Variants in LRRC4C observed in about 807,000 individuals in gnomAD.
The protein encoded by LRRC4C is leucine-rich repeat-containing protein 4C.
Under a neutral mutation model 33.6 loss-of-function variants are expected in LRRC4C, and 5 were observed. The observed-to-expected ratio is 0.15, with a 90% CI of 0.08 to 0.31. The LOEUF (loss-of-function observed/expected upper bound fraction) is 0.31. Ranked by LOEUF, LRRC4C falls within the 10% of genes least tolerant of loss-of-function variation. The probability of loss-of-function intolerance (pLI) is 1.00; values close to 1 mark genes in which losing one functional copy is unlikely to be tolerated. For synonymous variants in LRRC4C, 329 were observed against 302.0 expected (o/e 1.09, Z -0.93); for missense variants, 560 against 796.7 (o/e 0.70, Z 3.58).
At chr11:40,585,308 TA>T (rs1958670849) in intron 3 of LRRC4C, among the ~76,000 whole-genome samples, 1 of 152,072 alleles carries the variant, frequency 6.6e-6, no homozygotes. Context: ...CCTAAAATGC[TA>T]GATGTGTAGC....
At chr11:41,026,430 G>A (rs1856365381) in intron 1 of LRRC4C, among the ~76,000 whole-genome samples, 1 of 151,594 alleles carries the variant, frequency 6.6e-6, no homozygotes. Flanking sequence ...AAACTTTAAT[G>A]AGAAGTTGCT....
chr11:41,099,796 C>A (rs976252854), intron 1 of LRRC4C, among the ~76,000 whole-genome samples: 10 of 152,100 alleles, frequency 6.6e-5, no homozygotes, highest in African/African-American at 2.4e-4. Context: ...AATGCCCTCT[C>A]TCACCAATTC....
chr11:40,272,235 T>C (rs1942761259), intron 4 of LRRC4C, among the ~76,000 whole-genome samples: 1 of 152,150 alleles, frequency 6.6e-6, no homozygotes, highest in African/African-American at 2.4e-5. Flanking sequence ...TTTTCTCCAT[T>C]GGCCTTAAGA....
intron 3 of LRRC4C, among the ~76,000 whole-genome samples, chr11:40,456,286 T>G (rs1022076413): frequency 3.3e-5 from 5 of 152,186 alleles, no homozygotes; most frequent in African/African-American, 1.2e-4. Flanking sequence ...TATATGTATA[T>G]TGTAGCAATT....
intron 1 of LRRC4C, among the ~76,000 whole-genome samples, chr11:41,032,353 T>G (rs1856776571): frequency 6.6e-6 from 1 of 152,052 alleles, no homozygotes; most frequent in African/African-American, 2.4e-5. Context: ...TTAACACTCA[T>G]CTAACTTTGT....
At chr11:40,728,928 G>A (rs893759362) in intron 2 of LRRC4C, among the ~76,000 whole-genome samples, 7 of 147,298 alleles carry the variant, frequency 4.8e-5, no homozygotes, top group African/African-American at 1.7e-4. Context: ...GCTAATTCTT[G>A]GGTACACATC....
At chr11:40,537,141 C>T (rs1956508420) in intron 3 of LRRC4C, among the ~76,000 whole-genome samples, 1 of 152,076 alleles carries the variant, frequency 6.6e-6, no homozygotes, top group African/African-American at 2.4e-5. Flanking sequence ...AAAAAATGGC[C>T]ACATTTTAAA....
chr11:40,928,753 GAATAAAAATATCATATGTGAATTAA>G (rs1957493538), intron 2 of LRRC4C, among the ~76,000 whole-genome samples: 1 of 151,992 alleles, frequency 6.6e-6, no homozygotes, highest in South Asian at 2.1e-4. Context: ...TTTGACCTAT[GAATAAAAATATCATATGTGAATTAA>G]AATTAAAACT....
At chr11:41,042,227 G>A (rs1857485028) in intron 1 of LRRC4C, among the ~76,000 whole-genome samples, 1 of 152,094 alleles carries the variant, frequency 6.6e-6, no homozygotes, top group Admixed American at 6.6e-5. Context: ...GTTGTGAATT[G>A]CAGTCACAAT....
intron 5 of LRRC4C, among the ~76,000 whole-genome samples, chr11:40,173,981 CA>C (rs1267789933): frequency 3.3e-5 from 5 of 152,114 alleles, no homozygotes. Flanking sequence ...TTTAACTTAC[CA>C]ATGTGCAAAC....
chr11:40,638,485 T>C (rs1039106597), intron 3 of LRRC4C, among the ~76,000 whole-genome samples: 1 of 152,168 alleles, frequency 6.6e-6, no homozygotes, highest in Non-Finnish European at 1.5e-5. Context: ...ATCTATAAAA[T>C]AGAAATAATT....
intron 4 of LRRC4C, among the ~76,000 whole-genome samples, chr11:40,252,773 C>G (rs1866889744): frequency 6.6e-6 from 1 of 152,102 alleles, no homozygotes; most frequent in Non-Finnish European, 1.5e-5. Flanking sequence ...GTAAAGCAAT[C>G]CAAAGATTTA....
rs76358380 is a variant in LRRC4C, at chr11:40,577,608, T to C, written c.-270+70534A>G. 3.6e-3 allele frequency among the ~76,000 whole-genome samples: 547 copies of C among 152,176 alleles called. 2 individuals are homozygous for C. Among genetic ancestry groups the C allele is most frequent in the Non-Finnish European group, 6.0e-3 (405 of 68,012 alleles). ...CTGGAGACGTTTTGTTTGTCACATGTGAAGAGAAATGCTACTGGCATCAAG... is the reference window on the plus strand; with the variant it reads ...CTGGAGACGTTTTGTTTGTCACATGCGAAGAGAAATGCTACTGGCATCAAG... On this transcript the variant is annotated intron_variant, in intron 3 of 6. Coordinates refer to ENST00000528697, the MANE Select transcript of LRRC4C (RefSeq NM_001258419.2).
chr11:40,792,768 A>T (rs1171854910), intron 2 of LRRC4C, among the ~76,000 whole-genome samples: 1 of 152,118 alleles, frequency 6.6e-6, no homozygotes, highest in Non-Finnish European at 1.5e-5. Flanking sequence ...CTGGATTAAG[A>T]AAATGTGGCA....
chr11:40,721,916 G>A (rs57515289), intron 2 of LRRC4C, among the ~76,000 whole-genome samples: 1 of 152,146 alleles, frequency 6.6e-6, no homozygotes, highest in South Asian at 2.1e-4. Flanking sequence ...ACTCCATCCA[G>A]CCTGGGCGAC....
intron 1 of LRRC4C, among the ~76,000 whole-genome samples, chr11:41,024,201 T>C (rs906652381): frequency 6.6e-6 from 1 of 151,748 alleles, no homozygotes; most frequent in Non-Finnish European, 1.5e-5. Context: ...AGATATAATG[T>C]AATATTAGCC....
chr11:41,342,460 AT>A (rs1482531252), intron 1 of LRRC4C, among the ~76,000 whole-genome samples: 2 of 152,172 alleles, frequency 1.3e-5, no homozygotes, highest in African/African-American at 4.8e-5. Flanking sequence ...CTCACCCATA[AT>A]CATAGCATTT....
chr11:40,987,640 T>TAC (rs1853118997), intron 1 of LRRC4C, among the ~76,000 whole-genome samples: 1 of 70,048 alleles, frequency 1.4e-5, no homozygotes, highest in Non-Finnish European at 2.8e-5. Context: ...GATATATATA[T>TAC]ATATATATAT....
chr11:40,784,812 T>C (rs948112541), intron 2 of LRRC4C, among the ~76,000 whole-genome samples: 1 of 152,148 alleles, frequency 6.6e-6, no homozygotes. Flanking sequence ...AAATAGTGTA[T>C]AGTTTTTAAG....
Sources: allele counts gnomAD v4.1 joint callset (sites outside exome capture counted in the v4.1 genomes callset), GRCh38; gene constraint gnomAD v4.1.1; transcripts MANE v1.5; gene names NCBI Gene and HGNC (gene_info 2026-07-23, HGNC 2026-07-21).